The following TRHDE variants were observed in gnomAD, a reference collection of about 807,000 sequenced individuals.
TRHDE encodes the protein thyrotropin releasing hormone degrading enzyme, also known as thyrotropin-releasing hormone-degrading ectoenzyme.
Under a neutral mutation model 125.7 loss-of-function variants are expected in TRHDE, and 72 were observed. The ratio of observed to expected loss-of-function variants is 0.57; its 90% confidence interval spans 0.47 to 0.70. TRHDE has a LOEUF of 0.70. Ranked by LOEUF, TRHDE falls within the 30% of genes least tolerant of loss-of-function variation. The probability of loss-of-function intolerance (pLI) is 0.00; values close to 1 mark genes in which losing one functional copy is unlikely to be tolerated. For missense variants in TRHDE, 1,110 were observed against 1,327.1 expected, an observed-to-expected ratio of 0.84 and a Z score of 2.54; for synonymous variants, 509 against 509.1, an observed-to-expected ratio of 1.00 and a Z score of 0.00.
At chr12:72,267,375 C>T (rs1271274329), upstream of TRHDE, among the ~76,000 whole-genome samples, 2 of 152,064 alleles carry the variant, frequency 1.3e-5, no homozygotes, top group Non-Finnish European at 2.9e-5. Context: ...TTGGATATAA[C>T]ATGTAATGCT....
At chr12:72,401,758 C>T (rs561253376) in intron 3 of TRHDE, among the ~76,000 whole-genome samples, 96 of 152,212 alleles carry the variant, frequency 6.3e-4, no homozygotes, top group African/African-American at 2.1e-3. Context: ...GGAGGAACCA[C>T]GACCATTTGG....
At chr12:72,234,683 G>A (rs911246960) in intron 2 of TRHDE, among the ~76,000 whole-genome samples, 4 of 152,084 alleles carry the variant, frequency 2.6e-5, no homozygotes, top group African/African-American at 9.7e-5. Context: ...GAGTAGTAGA[G>A]GAGAGAAAAT....
At chr12:72,168,299 G>T (rs569881928) in intron 2 of TRHDE, among the ~76,000 whole-genome samples, 1 of 152,234 alleles carries the variant, frequency 6.6e-6, no homozygotes, top group East Asian at 1.9e-4. Flanking sequence ...TGGAGTTCTG[G>T]ACATAATTTA....
intron 2 of TRHDE, among the ~76,000 whole-genome samples, chr12:72,349,389 C>T (rs909926527): frequency 9.2e-5 from 14 of 151,996 alleles, no homozygotes; most frequent in African/African-American, 3.1e-4. Context: ...GGAATATCAC[C>T]AGCAATGCTG....
chr12:72,445,055 G>T (rs1464971898), intron 3 of TRHDE, among the ~76,000 whole-genome samples: 1 of 151,726 alleles, frequency 6.6e-6, no homozygotes, highest in Non-Finnish European at 1.5e-5. Flanking sequence ...TCTCCAGATA[G>T]CTTCTAAGAC....
At chr12:72,352,340 C>T (rs1307995513) in intron 2 of TRHDE, among the ~76,000 whole-genome samples, 1 of 151,712 alleles carries the variant, frequency 6.6e-6, no homozygotes, top group Non-Finnish European at 1.5e-5. Context: ...ACCAGAATGC[C>T]TTCTCTGTCA....
At chr12:72,131,161 T>A (rs755609360) in intron 2 of TRHDE, among the ~76,000 whole-genome samples, 2 of 139,260 alleles carry the variant, frequency 1.4e-5, no homozygotes. Context: ...AAGCTCCGCC[T>A]CCCGGGTTCA....
At chr12:72,203,011 C>T (rs912815659) in intron 2 of TRHDE, among the ~76,000 whole-genome samples, 2 of 151,774 alleles carry the variant, frequency 1.3e-5, no homozygotes, top group African/African-American at 2.4e-5. Flanking sequence ...TCTGTAATCT[C>T]AAGTTTTCAT....
At chr12:72,266,827 G>A (rs1444571453) in intron 2 of TRHDE, among the ~76,000 whole-genome samples, 1 of 151,970 alleles carries the variant, frequency 6.6e-6, no homozygotes, top group Non-Finnish European at 1.5e-5. Flanking sequence ...AATGACTCTG[G>A]CCAAGATATT....
At chr12:72,559,833 C>G (rs572794286) in intron 7 of TRHDE, among the ~76,000 whole-genome samples, 2 of 151,826 alleles carry the variant, frequency 1.3e-5, no homozygotes, top group South Asian at 4.2e-4. Flanking sequence ...TTCATCTTGC[C>G]AAGTGGTTAT....
chr12:72,642,432 A>G (rs980653488), intron 15 of TRHDE, among the ~76,000 whole-genome samples: 6 of 152,194 alleles, frequency 3.9e-5, no homozygotes, highest in Non-Finnish European at 7.3e-5. Flanking sequence ...ACTCTGTCAC[A>G]ATCCTATTTA....
chr12:72,161,870 G>T (rs1876645311), intron 2 of TRHDE, among the ~76,000 whole-genome samples: 1 of 152,214 alleles, frequency 6.6e-6, no homozygotes, highest in East Asian at 1.9e-4. Context: ...TGTTTTCATG[G>T]GTATGAACAC....
At chr12:72,600,927 T>C (rs567148315) in intron 12 of TRHDE, among the ~76,000 whole-genome samples, 3 of 152,210 alleles carry the variant, frequency 2.0e-5, no homozygotes, top group Admixed American at 2.0e-4. Flanking sequence ...TCATGCTTGC[T>C]AACACAACAT....
chr12:72,556,804 T>C (rs1490633594), intron 7 of TRHDE, among the ~76,000 whole-genome samples: 1 of 152,192 alleles, frequency 6.6e-6, no homozygotes, highest in Non-Finnish European at 1.5e-5. Context: ...TATTTCAAAC[T>C]CTTGCTTCAG....
intron 3 of TRHDE, among the ~76,000 whole-genome samples, chr12:72,439,009 C>A (rs1874874054): frequency 6.6e-6 from 1 of 151,716 alleles, no homozygotes; most frequent in South Asian, 2.1e-4. Flanking sequence ...TTTATTTTTT[C>A]ACATGTGAAT....
At chr12:72,423,085 C>T (rs1338774493) in intron 3 of TRHDE, among the ~76,000 whole-genome samples, 4 of 152,142 alleles carry the variant, frequency 2.6e-5, no homozygotes, top group African/African-American at 9.7e-5. Context: ...AGAATCCAAA[C>T]TTATTTTTAT....
At chr12:72,569,168 A>G (rs553445572) in intron 10 of TRHDE, among the ~76,000 whole-genome samples, 47 of 152,190 alleles carry the variant, frequency 3.1e-4, no homozygotes, top group Non-Finnish European at 6.2e-4. Flanking sequence ...CTCAAGGAGC[A>G]GAGAGAGATG....
intron 1 of TRHDE, among the ~76,000 whole-genome samples, chr12:72,283,997 G>A (rs1462982915): frequency 6.6e-6 from 1 of 151,670 alleles, no homozygotes; most frequent in Non-Finnish European, 1.5e-5. Context: ...AAGTTATACT[G>A]AGTACCTAAT....
intron 2 of TRHDE, among the ~76,000 whole-genome samples, chr12:72,180,147 A>G (rs546149895): frequency 2.0e-5 from 3 of 151,966 alleles, no homozygotes; most frequent in African/African-American, 4.8e-5. Flanking sequence ...GCCTATGCAA[A>G]TATGTATTAG....
Sources: gnomAD v4.1 joint callset for allele counts (sites outside exome capture counted in the v4.1 genomes callset) on GRCh38, gnomAD v4.1.1 for gene constraint, MANE v1.5 for transcripts, NCBI Gene and HGNC (gene_info 2026-07-23, HGNC 2026-07-21) for gene names.